The following STX6 variants were observed in gnomAD, a reference collection of about 807,000 sequenced individuals.
STX6 encodes the protein syntaxin 6, also known as syntaxin-6.
STX6 carries 23 observed loss-of-function variants against 38.0 expected under a neutral mutation model. The observed-to-expected ratio is 0.60, with a 90% confidence interval of 0.43 to 0.86. The LOEUF (loss-of-function observed/expected upper bound fraction) is 0.86, where lower values mean the gene tolerates loss of function less well. Ranked by LOEUF, STX6 falls within the 40% of genes least tolerant of loss-of-function variation. The pLI is 0.00. For synonymous variants in STX6, 123 were observed against 107.5 expected (o/e 1.14, Z -0.89); for missense variants, 274 against 312.9 (o/e 0.88, Z 0.94).
intron 3 of STX6, among the ~76,000 whole-genome samples, chr1:180,993,936 T>C (rs1372176565): frequency 1.3e-5 from 2 of 152,220 alleles, no homozygotes; most frequent in Non-Finnish European, 2.9e-5. Context: ...ATATTTACCA[T>C]TAAACACCAA....
At chr1:180,980,453 C>T (rs894696986) in intron 7 of STX6, 1 of 150,952 alleles carries the variant, frequency 6.6e-6, no homozygotes, top group African/African-American at 2.4e-5. Context: ...TTACAAAACC[C>T]AAACATACTC....
intron 1 of STX6, among the ~76,000 whole-genome samples, chr1:181,009,882 C>G (rs1000038024): frequency 1.3e-5 from 2 of 151,952 alleles, no homozygotes; most frequent in South Asian, 2.1e-4. Context: ...TAACAGAATA[C>G]TATTCAGCAA....
intron 3 of STX6, among the ~76,000 whole-genome samples, chr1:180,997,749 T>A (rs1655953970): frequency 6.6e-6 from 1 of 152,244 alleles, no homozygotes; most frequent in Admixed American, 6.5e-5. Flanking sequence ...TCTAGATTTA[T>A]CTGTGTCATT....
chr1:181,005,747 C>A (rs571119555), intron 1 of STX6, among the ~76,000 whole-genome samples: 1 of 152,170 alleles, frequency 6.6e-6, no homozygotes, highest in Non-Finnish European at 1.5e-5. Flanking sequence ...ACAGACTATA[C>A]GTAAAAGTAT....
intron 1 of STX6, among the ~76,000 whole-genome samples, chr1:181,011,659 T>C (rs1260353772): frequency 6.6e-6 from 1 of 152,224 alleles, no homozygotes; most frequent in African/African-American, 2.4e-5. Context: ...CATATAATCA[T>C]GTCACCTATT....
In STX6 at chr1:180,976,516, T is replaced by C. The variant is rs1655254200; in HGVS notation, c.*54A>G. 6.7e-7 allele frequency: 1 copy of C among 1,494,576 alleles called. No homozygotes were observed. The highest frequency in any genetic ancestry group is 1.4e-5 in the African/African-American group (1 of 72,588). 92.6% of individuals were successfully genotyped at this position (1,494,576 alleles called of 1,614,324 possible). ...GGCAATGTCACACGTGCTCAGCTTCTCCTCCTCCCCTCGGTTCATATGCAG... is the reference window on the plus strand; with the variant it reads ...GGCAATGTCACACGTGCTCAGCTTCCCCTCCTCCCCTCGGTTCATATGCAG... On this transcript the variant is annotated 3_prime_UTR_variant, in exon 8 of 8. Transcript: ENST00000258301.
intron 1 of STX6, among the ~76,000 whole-genome samples, chr1:181,019,015 CT>C (rs957163809): frequency 6.6e-6 from 1 of 152,214 alleles, no homozygotes; most frequent in Admixed American, 6.5e-5. Context: ...CCCTCTAACA[CT>C]TCCTCAGCTT....
chr1:181,013,263 T>C (rs989638451), intron 1 of STX6, among the ~76,000 whole-genome samples: 4 of 152,320 alleles, frequency 2.6e-5, no homozygotes, highest in Middle Eastern at 3.4e-3. Flanking sequence ...TGTTCCCCAG[T>C]ATTTGTCATT....
chr1:180,986,290 G>A (rs2102305874), intron 6 of STX6, among the ~76,000 whole-genome samples: 1 of 151,266 alleles, frequency 6.6e-6, no homozygotes, highest in East Asian at 1.9e-4. Flanking sequence ...AGAAACAGGT[G>A]AAATTAATTC....
chr1:180,995,362 C>T (rs947694804), intron 3 of STX6, among the ~76,000 whole-genome samples: 1 of 152,144 alleles, frequency 6.6e-6, no homozygotes, highest in Non-Finnish European at 1.5e-5. Flanking sequence ...ATCCCCATTC[C>T]TTGTCTTACA....
At chr1:181,018,111 G>A (rs1292036454) in intron 1 of STX6, among the ~76,000 whole-genome samples, 3 of 152,074 alleles carry the variant, frequency 2.0e-5, no homozygotes, top group Admixed American at 6.5e-5. Flanking sequence ...CAGGCCAGGC[G>A]CGGTGGCTCA....
At position 180,976,524 on chromosome 1, in the gene STX6, C is replaced by T; in HGVS notation, c.*46G>A. The T allele has an allele frequency of 6.5e-7, 1 of 1,537,760 alleles. No individual in the cohort carries two copies. Among genetic ancestry groups the T allele is most frequent in the Non-Finnish European group, 9.0e-7 (1 of 1,111,610 alleles). ...CACACGTGCTCAGCTTCTCCTCCTC[C>T]CCTCGGTTCATATGCAGGAGGAACT... On this transcript the variant is annotated 3_prime_UTR_variant, in exon 8 of 8. Transcript: ENST00000258301.
chr1:180,980,206 C>CAAAAAAAAAAAAAAA (rs56336455), intron 7 of STX6, among the ~76,000 whole-genome samples: 1 of 88,254 alleles, frequency 1.1e-5, no homozygotes. Flanking sequence ...GACTCTGTCT[C>CAAAAAAAAAAAAAAA]AAAAAAAAAA....
At chr1:180,993,731 A>G (rs1469072472) in intron 3 of STX6, among the ~76,000 whole-genome samples, 1 of 152,240 alleles carries the variant, frequency 6.6e-6, no homozygotes, top group Non-Finnish European at 1.5e-5. Flanking sequence ...CTGAATTTTC[A>G]CAAGGACCCT....
At chr1:181,001,653 A>C (rs1026100986) in intron 3 of STX6, among the ~76,000 whole-genome samples, 42 of 152,178 alleles carry the variant, frequency 2.8e-4, no homozygotes, top group Admixed American at 2.7e-3. Flanking sequence ...ACTAAGAGTC[A>C]CTCTTCAACA....
intron 3 of STX6, among the ~76,000 whole-genome samples, chr1:180,994,725 A>C (rs1655850617): frequency 6.6e-6 from 1 of 152,220 alleles, no homozygotes; most frequent in African/African-American, 2.4e-5. Context: ...TAAAAAATAC[A>C]GTTAGAAGAA....
chr1:181,014,462 A>G lies in STX6; in HGVS notation c.35+8177T>C, dbSNP rs538494957. On this transcript the variant is annotated intron_variant, in intron 1 of 7. Coordinates refer to ENST00000258301, the MANE Select transcript of STX6 (RefSeq NM_005819.6). ...AGAACATTTATTGGTGCAGCCATCA[A>G]TGGAAAAAATACAATCTGCCACAAC... 1.3e-4 allele frequency among the ~76,000 whole-genome samples: 20 copies of G among 152,302 alleles called. No individual in the cohort carries two copies. The South Asian group carries it at 2.9e-3, about 22-fold the overall frequency.
intron 7 of STX6, among the ~76,000 whole-genome samples, chr1:180,982,354 G>A (rs1216683292): frequency 6.6e-6 from 1 of 152,190 alleles, no homozygotes; most frequent in Non-Finnish European, 1.5e-5. Flanking sequence ...TCTTTGGGTA[G>A]CAAGCAAAGA....
intron 1 of STX6, among the ~76,000 whole-genome samples, chr1:181,020,648 T>C (rs1021955628): frequency 6.6e-6 from 1 of 152,188 alleles, no homozygotes; most frequent in African/African-American, 2.4e-5. Flanking sequence ...TAATTCAAGA[T>C]ACACTACTGC....
Sources: allele counts gnomAD v4.1 joint callset (sites outside exome capture counted in the v4.1 genomes callset), GRCh38; gene constraint gnomAD v4.1.1; transcripts MANE v1.5; gene names NCBI Gene and HGNC (gene_info 2026-07-23, HGNC 2026-07-21).